The following PTPRT variants were observed in gnomAD, a reference collection of about 807,000 sequenced individuals.
PTPRT encodes the protein receptor-type tyrosine-protein phosphatase T.
A neutral mutation model predicts 176.8 loss-of-function variants in PTPRT; 56 were observed. That is an observed-to-expected ratio of 0.32 (90% CI 0.26 to 0.40). PTPRT has a LOEUF of 0.40. PTPRT is among the 10% of genes least tolerant of loss of function. The pLI is 1.00. For missense variants in PTPRT, 1,540 were observed against 1,908.2 expected (o/e 0.81, Z 3.60); for synonymous variants, 783 against 739.0 (o/e 1.06, Z -0.96).
intron 1 of PTPRT, among the ~76,000 whole-genome samples, chr20:42,934,150 T>C (rs1167247863): frequency 2.0e-5 from 3 of 152,184 alleles, no homozygotes; most frequent in Non-Finnish European, 4.4e-5. Flanking sequence ...CCCATCTCAT[T>C]ACGGCGTTGC....
In PTPRT at chr20:42,756,474, G is replaced by A. The variant is rs1303503165; in HGVS notation, c.847C>T (p.Leu283=). 2 of 1,577,476 alleles carry A rather than the reference G, an allele frequency of 1.3e-6. No homozygotes were observed. Among genetic ancestry groups the A allele is most frequent in the Admixed American group, 1.8e-5 (1 of 56,078 alleles). The change falls in exon 6 of 31, where the codon CTG becomes TTG. Residue 283 remains leucine (L), a synonymous_variant. Transcript: ENST00000373187. The part of the protein sequence containing the change: ...GGSGVSNYAE[L]IVKEPPTPIA... ...TGGAGGCACTCACCTTTCACGATCA[G>A]CTCCGCGTAGTTGGACACACCAGAC...
At chr20:42,631,023 GA>G (rs956362093) in intron 7 of PTPRT, among the ~76,000 whole-genome samples, 1 of 150,948 alleles carries the variant, frequency 6.6e-6, no homozygotes, top group African/African-American at 2.4e-5. Context: ...AACCATTACA[GA>G]AAAAAAAATC....
At chr20:43,094,391 C>CTTTTTTTTTTTTT (rs71335878) in intron 1 of PTPRT, among the ~76,000 whole-genome samples, 2 of 64,670 alleles carry the variant, frequency 3.1e-5, no homozygotes, top group Non-Finnish European at 2.8e-5. Context: ...CGGCCTCTTT[C>CTTTTTTTTTTTTT]TTTTTTTTTT....
chr20:42,983,785 T>C (rs6130271), intron 1 of PTPRT, among the ~76,000 whole-genome samples: 73,620 of 152,130 alleles, frequency 0.48, 17,930 homozygotes, highest in South Asian at 0.62. Context: ...GTTTCCTGCC[T>C]TACTTCTGGC....
At position 42,161,507 on chromosome 20, in the gene PTPRT, G is replaced by C; in HGVS notation, c.2527C>G (p.Leu843Val). The change falls in exon 17 of 31, where the codon CTC (leucine) becomes GTC (valine). Residue 843 changes from leucine to valine, a missense_variant. Leu to Val is a conservative substitution (Grantham distance 32, BLOSUM62 1). Transcript: ENST00000373187. Reference sequence around the variant, plus strand: ...CGGTAGGGATGAGTCTGGATCGTGAGGGTGGGCTGGGAAAGCTCCCCGCGG... The same window carrying C: ...CGGTAGGGATGAGTCTGGATCGTGACGGTGGGCTGGGAAAGCTCCCCGCGG... ...GSRGELSQPT[L>V]TIQTHPYRTC... is the part of the protein sequence containing the mutation. 1.2e-6 allele frequency: 2 copies of C among 1,612,896 alleles called. No individual in the cohort carries two copies. Among genetic ancestry groups the C allele is most frequent in the African/African-American group, 1.3e-5 (1 of 75,014 alleles).
At chr20:42,926,859 T>C (rs1167471890) in intron 1 of PTPRT, among the ~76,000 whole-genome samples, 2 of 152,198 alleles carry the variant, frequency 1.3e-5, no homozygotes, top group Non-Finnish European at 2.9e-5. Context: ...GGACGGCAGC[T>C]GCCACAAATG....
intron 11 of PTPRT, among the ~76,000 whole-genome samples, chr20:42,327,080 GGTGTGTGT>G (rs139401290): frequency 4.1e-5 from 6 of 146,446 alleles, no homozygotes; most frequent in Admixed American, 6.9e-5. Context: ...ACTAGGTAGG[GGTGTGTGT>G]GTGTGTGTGT....
intron 1 of PTPRT, among the ~76,000 whole-genome samples, chr20:43,151,692 T>C (rs1439334417): frequency 6.6e-6 from 1 of 151,808 alleles, no homozygotes; most frequent in African/African-American, 2.4e-5. Context: ...AGAAACCCCG[T>C]CTCTACTAAA....
rs140075843 is a variant in PTPRT at position 42,463,234 on chromosome 20, T to C, written c.1450+9032A>G. 9.2e-3 allele frequency among the ~76,000 whole-genome samples: 1,407 copies of C among 152,274 alleles called. 11 individuals are homozygous for C. Among genetic ancestry groups the C allele is most frequent in the Middle Eastern group, 0.014 (4 of 294 alleles). ...TCTCGGCAAAAAATTCCTTTTTTTG[T>C]CTTATCTTCTAATTCTGTATCCCTT... On this transcript the variant is annotated intron_variant, in intron 8 of 30. Transcript: ENST00000373187.
At chr20:42,161,612 C>A in intron 16 of PTPRT, 70 bp from the exon 17 acceptor site, 2 of 1,503,092 alleles carry the variant, frequency 1.3e-6, no homozygotes, top group Non-Finnish European at 1.8e-6. Context: ...CCTGTCTCCC[C>A]CAGCTTGGCC....
intron 13 of PTPRT, among the ~76,000 whole-genome samples, chr20:42,269,444 AG>A (rs2056893751): frequency 6.6e-6 from 1 of 152,206 alleles, no homozygotes; most frequent in Non-Finnish European, 1.5e-5. Context: ...TGACAGTTAA[AG>A]GTTTGAAATC....
chr20:42,478,788 G>C (rs1157755110), intron 7 of PTPRT, among the ~76,000 whole-genome samples: 1 of 151,938 alleles, frequency 6.6e-6, no homozygotes, highest in Non-Finnish European at 1.5e-5. Context: ...TCAGACTTCA[G>C]GGTTATTGTT....
intron 9 of PTPRT, among the ~76,000 whole-genome samples, chr20:42,408,052 C>G (rs923739592): frequency 7.9e-5 from 12 of 152,144 alleles, no homozygotes; most frequent in Non-Finnish European, 1.8e-4. Flanking sequence ...TGAGCAAACT[C>G]AATATTATAA....
chr20:42,426,469 C>A (rs888209721), intron 9 of PTPRT, among the ~76,000 whole-genome samples: 36 of 152,288 alleles, frequency 2.4e-4, no homozygotes, highest in Admixed American at 1.9e-3. Context: ...CTCCACCATA[C>A]AATAAGACCC....
chr20:42,211,757 G>T (rs1188072756), intron 15 of PTPRT, among the ~76,000 whole-genome samples: 1 of 147,398 alleles, frequency 6.8e-6, no homozygotes, highest in Non-Finnish European at 1.5e-5. Context: ...CAGGGATCTA[G>T]AACTGGAAAT....
chr20:43,087,065 C>T (rs993420174), intron 1 of PTPRT, among the ~76,000 whole-genome samples: 39 of 152,346 alleles, frequency 2.6e-4, no homozygotes, highest in African/African-American at 8.7e-4. Context: ...GGAAATGCCC[C>T]TCCCCATTTC....
chr20:42,807,627 T>C (rs988801123), intron 2 of PTPRT, among the ~76,000 whole-genome samples: 1 of 152,192 alleles, frequency 6.6e-6, no homozygotes, highest in African/African-American at 2.4e-5. Flanking sequence ...CCAAAATTGA[T>C]ATACTACGAC....
intron 7 of PTPRT, among the ~76,000 whole-genome samples, chr20:42,660,564 G>A (rs1172306297): frequency 5.3e-5 from 8 of 152,266 alleles, no homozygotes; most frequent in Admixed American, 5.2e-4. Context: ...GTGATGCTTT[G>A]TTGGATTCTT....
chr20:42,879,733 A>ATG (rs11468460), intron 2 of PTPRT, among the ~76,000 whole-genome samples: 5,795 of 149,038 alleles, frequency 0.039, 121 homozygotes, highest in South Asian at 0.055. Flanking sequence ...GTTGGGTGAA[A>ATG]TGTGTGTGTG....
Sources: gnomAD v4.1 joint callset for allele counts (sites outside exome capture counted in the v4.1 genomes callset) on GRCh38, gnomAD v4.1.1 for gene constraint, MANE v1.5 for transcripts, NCBI Gene and HGNC (gene_info 2026-07-23, HGNC 2026-07-21) for gene names.